PCLO: variants seen among roughly 807,000 people sequenced by gnomAD.
PCLO encodes piccolo presynaptic cytomatrix protein, also known as protein piccolo.
Under a neutral mutation model 427.5 loss-of-function variants are expected in PCLO, and 82 were observed. That is an observed-to-expected ratio of 0.19 (90% confidence interval 0.16 to 0.23). PCLO has a LOEUF of 0.23. Among genes scored for constraint, PCLO ranks in the 10% least tolerant of loss-of-function variants. The pLI, the probability that PCLO is intolerant of heterozygous loss-of-function variation, is 1.00. For synonymous variants in PCLO, 2,357 were observed against 2,155.4 expected, an observed-to-expected ratio of 1.09 and a Z score of -2.59; for missense variants, 6,239 against 6,115.9, an observed-to-expected ratio of 1.02 and a Z score of -0.67.
At chr7:82,763,009 T>C (rs2129467606) in intron 22 of PCLO, among the ~76,000 whole-genome samples, 1 of 152,230 alleles carries the variant, frequency 6.6e-6, no homozygotes. Context: ...GGCCCGATCA[T>C]GGCTCACTGC....
At chr7:83,110,302 A>G (rs967969273) in intron 3 of PCLO, among the ~76,000 whole-genome samples, 2 of 151,860 alleles carry the variant, frequency 1.3e-5, no homozygotes, top group African/African-American at 4.8e-5. Flanking sequence ...TGCTCTTTAC[A>G]TGCCTTTTTT....
chr7:82,913,736 T>G (rs541303113), intron 7 of PCLO, among the ~76,000 whole-genome samples: 2 of 152,154 alleles, frequency 1.3e-5, no homozygotes, highest in South Asian at 4.2e-4. Context: ...AGTTAAGTAT[T>G]TACTTGTACT....
intron 9 of PCLO, among the ~76,000 whole-genome samples, chr7:82,897,117 T>G (rs1014708740): frequency 1.3e-5 from 2 of 151,660 alleles, no homozygotes; most frequent in Admixed American, 6.6e-5. Flanking sequence ...GAGCATACAG[T>G]AAGTACAAGA....
chr7:82,865,182 C>T (rs1471779828), intron 10 of PCLO, among the ~76,000 whole-genome samples: 1 of 151,968 alleles, frequency 6.6e-6, no homozygotes, highest in Non-Finnish European at 1.5e-5. Flanking sequence ...AAAAATTGAA[C>T]TGCCACCTGT....
chr7:83,148,378 C>T (rs1440618045), intron 2 of PCLO, among the ~76,000 whole-genome samples: 1 of 152,116 alleles, frequency 6.6e-6, no homozygotes, highest in Non-Finnish European at 1.5e-5. Context: ...ATCTGTCTCA[C>T]CATATGTTTT....
intron 3 of PCLO, among the ~76,000 whole-genome samples, chr7:83,131,961 A>T (rs562767524): frequency 2.0e-5 from 3 of 152,194 alleles, no homozygotes; most frequent in African/African-American, 7.2e-5. Flanking sequence ...TTATATATGT[A>T]TATGTGTACA....
At position 82,835,999 on chromosome 7, in the gene PCLO, C is replaced by T. The variant is rs114996977; in HGVS notation, c.14223-306G>A. 9.4e-3 allele frequency among the ~76,000 whole-genome samples: 1,428 copies of T among 152,116 alleles called. 29 individuals are homozygous for T. The highest frequency in any genetic ancestry group is 0.032 in the African/African-American group (1,339 of 41,530). On this transcript the variant is annotated intron_variant, in intron 15 of 24. Transcript: ENST00000333891. ...TGAGCCAAACCTCACCAAGTAGGGACGTTTTATTTGACAAATTGCATGAGG... is the reference window on the plus strand; with the variant it reads ...TGAGCCAAACCTCACCAAGTAGGGATGTTTTATTTGACAAATTGCATGAGG...
At chr7:82,969,681 G>A (rs1323738315) in intron 3 of PCLO, among the ~76,000 whole-genome samples, 1 of 152,006 alleles carries the variant, frequency 6.6e-6, no homozygotes, top group Non-Finnish European at 1.5e-5. Context: ...TATTCTGTAT[G>A]TATCTATTTG....
chr7:82,928,937 G>A (rs1400402610), intron 6 of PCLO, among the ~76,000 whole-genome samples: 2 of 152,068 alleles, frequency 1.3e-5, no homozygotes, highest in African/African-American at 4.8e-5. Flanking sequence ...AATATACTAG[G>A]TTGAAAAATA....
chr7:82,883,368 T>C (rs1793554536), intron 9 of PCLO, among the ~76,000 whole-genome samples: 1 of 152,186 alleles, frequency 6.6e-6, no homozygotes, highest in Admixed American at 6.5e-5. Flanking sequence ...CTTATCTCTG[T>C]GTTACAAATT....
chr7:83,014,550 C>CAAGT (rs1440851209), intron 3 of PCLO, among the ~76,000 whole-genome samples: 2 of 151,520 alleles, frequency 1.3e-5, no homozygotes, highest in African/African-American at 4.9e-5. Flanking sequence ...AAAGAATGTG[C>CAAGT]AAGTCACAAG....
At chr7:83,125,178 C>T (rs944490320) in intron 3 of PCLO, among the ~76,000 whole-genome samples, 7 of 152,124 alleles carry the variant, frequency 4.6e-5, no homozygotes, top group African/African-American at 7.2e-5. Flanking sequence ...GCCGCCACCC[C>T]GTCTAGGAAG....
intron 8 of PCLO, among the ~76,000 whole-genome samples, chr7:82,905,790 G>T (rs1723375334): frequency 6.6e-6 from 1 of 151,898 alleles, no homozygotes; most frequent in Non-Finnish European, 1.5e-5. Flanking sequence ...TGCAGCAGTT[G>T]GGTAGGAATT....
At chr7:82,840,862 G>T (rs1488216388) in intron 14 of PCLO, among the ~76,000 whole-genome samples, 1 of 151,672 alleles carries the variant, frequency 6.6e-6, no homozygotes, top group Non-Finnish European at 1.5e-5. Context: ...TAAGGTGCAG[G>T]TTTTAAAGTT....
At chr7:83,096,123 T>C (rs369682630) in intron 3 of PCLO, among the ~76,000 whole-genome samples, 18 of 152,152 alleles carry the variant, frequency 1.2e-4, no homozygotes, top group African/African-American at 3.9e-4. Flanking sequence ...ATTAATAGTA[T>C]ATATGAAAGA....
In PCLO at chr7:82,828,049, T is replaced by C. The variant is rs1791993220; in HGVS notation, c.14250-83A>G. ...CAGTTAAACTAAAGGACATGCAGAC[T>C]ATTCAAGATATTTTATTTCAAATCA... On this transcript the variant is annotated intron_variant, in intron 16 of 24. Coordinates refer to ENST00000333891, the MANE Select transcript of PCLO (RefSeq NM_033026.6). 1.1e-5 allele frequency: 8 copies of C among 720,274 alleles called. No individual in the cohort carries two copies. In the East Asian group the frequency reaches 2.2e-4, roughly 20 times the overall value. 44.6% of individuals were successfully genotyped at this position (720,274 alleles called of 1,614,324 possible).
chr7:83,061,320 T>C (rs1005941581), intron 3 of PCLO, among the ~76,000 whole-genome samples: 2 of 152,202 alleles, frequency 1.3e-5, no homozygotes, highest in Non-Finnish European at 2.9e-5. Flanking sequence ...ATTTGCTTTT[T>C]AAAGGCCAGC....
intron 22 of PCLO, among the ~76,000 whole-genome samples, chr7:82,765,925 G>T (rs34608268): frequency 0.48 from 73,424 of 151,722 alleles, 18,808 homozygotes; most frequent in East Asian, 0.72. Flanking sequence ...TAGGAAAGTG[G>T]TAACCAGTAC....
At position 82,811,715 on chromosome 7, in the gene PCLO, G is replaced by A. The variant is rs1018612531; in HGVS notation, c.14792-5886C>T. Reference sequence around the variant, plus strand: ...TATTTGGGAAAATCTAAAGCAAACTGGACACTAGAAAAATGGGCTAGCTTC... The same window carrying A: ...TATTTGGGAAAATCTAAAGCAAACTAGACACTAGAAAAATGGGCTAGCTTC... On this transcript the variant is annotated intron_variant, in intron 20 of 24. Transcript: ENST00000333891. 2.0e-5 allele frequency among the ~76,000 whole-genome samples: 3 copies of A among 151,358 alleles called. No homozygotes were observed. The Admixed American group carries it at 2.0e-4, about 10-fold the overall frequency.
Sources: allele counts gnomAD v4.1 joint callset (sites outside exome capture counted in the v4.1 genomes callset), GRCh38; gene constraint gnomAD v4.1.1; transcripts MANE v1.5; gene names NCBI Gene and HGNC (gene_info 2026-07-23, HGNC 2026-07-21).